The following SELPLG variants were observed in gnomAD, a reference collection of about 807,000 sequenced individuals.
The protein encoded by SELPLG is P-selectin glycoprotein ligand 1.
Under a neutral mutation model 1.1 loss-of-function variants are expected in SELPLG, and 2 were observed. The ratio of observed to expected loss-of-function variants is 1.82; its 90% CI spans 0.74 to 5.71. SELPLG has a LOEUF of 5.71. Among genes scored for constraint, SELPLG ranks in the 30% most tolerant of loss-of-function variants. The pLI is 0.05. For missense variants in SELPLG, 478 were observed against 524.7 expected (o/e 0.91, Z 0.87); for synonymous variants, 230 against 221.2 (o/e 1.04, Z -0.35).
chr12:108,631,244 C>T (rs562240235), intron 1 of SELPLG, among the ~76,000 whole-genome samples: 5 of 152,272 alleles, frequency 3.3e-5, no homozygotes, highest in African/African-American at 9.6e-5. Context: ...CACTTATCAT[C>T]GCCCTTATGA....
At chr12:108,632,386 T>C (rs2032074162) in intron 1 of SELPLG, among the ~76,000 whole-genome samples, 1 of 104,806 alleles carries the variant, frequency 9.5e-6, no homozygotes, top group African/African-American at 4.1e-5. Flanking sequence ...ATCGACAATA[T>C]GGGGTGTGTG....
At chr12:108,632,389 GGT>G (rs34863745) in intron 1 of SELPLG, among the ~76,000 whole-genome samples, 83,760 of 144,454 alleles carry the variant, frequency 0.58, 24,740 homozygotes, top group Middle Eastern at 0.71. Context: ...GACAATATGG[GGT>G]GTGTGTGTGT....
intron 1 of SELPLG, among the ~76,000 whole-genome samples, chr12:108,625,715 T>C (rs1006068323): frequency 1.3e-5 from 2 of 152,246 alleles, no homozygotes; most frequent in East Asian, 1.9e-4. Context: ...ATCTCATTGA[T>C]CTTTCTTCTT....
chr12:108,623,294 A>C lies in SELPLG; in HGVS notation c.1014T>G (p.Thr338=), dbSNP rs751113252. ...GGGAGAGGCGGACCGCCAGCACCAC[A>C]GTGCACACGAAGAAGATAGTGGCCA... is the stretch of plus-strand genomic sequence containing the variant. The part of the protein sequence containing the change: ...ALVATIFFVC[T]VVLAVRLSRK... Residue 338 remains threonine (T), a synonymous_variant, in exon 2 of 2, where the codon ACT becomes ACG. Coordinates refer to ENST00000550948, the MANE Select transcript of SELPLG (RefSeq NM_003006.4). 1 of 1,614,046 alleles carries C rather than the reference A, an allele frequency of 6.2e-7. No individual in the cohort carries two copies. The highest frequency in any genetic ancestry group is 2.2e-5 in the East Asian group (1 of 44,884).
At chr12:108,632,968 T>G (rs1380034909) in intron 1 of SELPLG, among the ~76,000 whole-genome samples, 2 of 152,190 alleles carry the variant, frequency 1.3e-5, no homozygotes, top group African/African-American at 2.4e-5. Flanking sequence ...AAGAACTTTT[T>G]TATGCGTCCA....
chr12:108,623,040 G>A lies in SELPLG; in HGVS notation c.*29C>T. On this transcript the variant is annotated 3_prime_UTR_variant, in exon 2 of 2. Transcript: ENST00000550948. ...GGCCCAGGAGAGCCCGTGGAGGTGG[G>A]GTCTTGCCAAAACAGATGGCAGAGT... 1 of 1,463,972 alleles carries A rather than the reference G, an allele frequency of 6.8e-7. No individual in the cohort carries two copies. The highest frequency in any genetic ancestry group is 1.4e-5 in the South Asian group (1 of 69,390). 90.7% of individuals were successfully genotyped at this position (1,463,972 alleles called of 1,614,324 possible).
At chr12:108,626,925 T>A (rs768284515) in intron 1 of SELPLG, among the ~76,000 whole-genome samples, 15 of 152,222 alleles carry the variant, frequency 9.9e-5, no homozygotes, top group Non-Finnish European at 2.1e-4. Context: ...GCCAACATGG[T>A]GAAACCCTGT....
intron 1 of SELPLG, among the ~76,000 whole-genome samples, chr12:108,631,102 G>A (rs2032041076): frequency 6.6e-6 from 1 of 152,164 alleles, no homozygotes; most frequent in African/African-American, 2.4e-5. Context: ...TGAGGCAGGG[G>A]AACGTGCACA....
At chr12:108,628,946 A>T (rs911969573) in intron 1 of SELPLG, among the ~76,000 whole-genome samples, 6 of 152,144 alleles carry the variant, frequency 3.9e-5, no homozygotes, top group Admixed American at 1.3e-4. Flanking sequence ...AATATTGCTT[A>T]AAAAAAATCA....
At position 108,622,990 on chromosome 12, in the gene SELPLG, G is replaced by A; in HGVS notation, c.*79C>T. ...GTCTCCGAGGAAGCCCAGAGCTGTG[G>A]AATGGGGTCTGGGCACTCAGGGGTG... On this transcript the variant is annotated 3_prime_UTR_variant, in exon 2 of 2. Transcript: ENST00000550948. The A allele has an allele frequency of 2.9e-6, 4 of 1,375,636 alleles. No individual in the cohort carries two copies. Among genetic ancestry groups the A allele is most frequent in the Non-Finnish European group, 3.9e-6 (4 of 1,037,080 alleles). The allele number at this position is 1,375,636 out of a possible 1,614,324, so 85.2% of individuals were successfully genotyped here.
chr12:108,628,318 A>AACACACACACACACACAC (rs57432345), intron 1 of SELPLG, among the ~76,000 whole-genome samples: 15 of 140,304 alleles, frequency 1.1e-4, no homozygotes, highest in South Asian at 9.7e-4. Context: ...TAATAAATGT[A>AACACACACACACACACAC]ACACACACAC....
At chr12:108,632,426 GTGAA>G (rs1167849698) in intron 1 of SELPLG, among the ~76,000 whole-genome samples, 155 of 141,814 alleles carry the variant, frequency 1.1e-3, no homozygotes, top group African/African-American at 4.5e-3. Context: ...GTGTGTGTGT[GTGAA>G]TGTGTGTACA....
intron 1 of SELPLG, among the ~76,000 whole-genome samples, chr12:108,627,917 C>T (rs955240919): frequency 2.0e-5 from 3 of 151,892 alleles, no homozygotes; most frequent in Non-Finnish European, 4.4e-5. Flanking sequence ...CTCGTCTCTA[C>T]AAAATACAAA....
rs1466439263 is a variant in SELPLG, at chr12:108,624,267, G to A, written c.41C>T (p.Pro14Leu). 8.1e-6 allele frequency: 13 copies of A among 1,614,180 alleles called. No individual in the cohort carries two copies. Among genetic ancestry groups the A allele is most frequent in the Admixed American group, 1.7e-5 (1 of 60,028 alleles). The change falls in exon 2 of 2, where the codon CCT (proline) becomes CTT (leucine). Residue 14 changes from proline to leucine, a missense_variant. Physicochemically the swap from Pro to Leu is moderately conservative, Grantham distance 98. Coordinates refer to ENST00000550948, the MANE Select transcript of SELPLG (RefSeq NM_003006.4). ...QLLLLLILLGPGNSLQLWDTW... is the reference protein window; with the variant it reads ...QLLLLLILLGLGNSLQLWDTW... Reference sequence around the variant, plus strand: ...GTCCCACAGCTGCAAGCTGTTGCCAGGGCCCAGTAGGATCAGCAACAGGAG... The same window carrying A: ...GTCCCACAGCTGCAAGCTGTTGCCAAGGCCCAGTAGGATCAGCAACAGGAG...
Position 108,622,405 on chromosome 12 carries a change from C to A in SELPLG, c.*664G>T, listed in dbSNP as rs2031838224. ...GGCGATAGCTGGGGGTCACTTGTCA[C>A]TAGATGGAAGCTCCTTGGTCCACAC... On this transcript the variant is annotated 3_prime_UTR_variant, in exon 2 of 2. Coordinates refer to ENST00000550948, the MANE Select transcript of SELPLG (RefSeq NM_003006.4). 6.6e-6 allele frequency: 1 copy of A among 152,478 alleles called. No homozygotes were observed. Among genetic ancestry groups the A allele is most frequent in the African/African-American group, 2.4e-5 (1 of 41,464 alleles). The allele number at this position is 152,478 out of a possible 1,614,324, so 9.4% of individuals were successfully genotyped here.
intron 1 of SELPLG, chr12:108,631,941 C>G (rs1565890900): frequency 1.3e-6 from 2 of 1,535,404 alleles, no homozygotes; most frequent in East Asian, 2.4e-5. Flanking sequence ...GAGACACAGG[C>G]CTAGGGTCAC....
At chr12:108,627,374 G>C (rs1288945511) in intron 1 of SELPLG, among the ~76,000 whole-genome samples, 1 of 151,628 alleles carries the variant, frequency 6.6e-6, no homozygotes, top group Middle Eastern at 3.2e-3. Flanking sequence ...GGAGGGCAGA[G>C]TAAGAAAAAG....
intron 1 of SELPLG, among the ~76,000 whole-genome samples, chr12:108,625,924 T>C (rs1477409812): frequency 6.6e-6 from 1 of 152,110 alleles, no homozygotes; most frequent in Non-Finnish European, 1.5e-5. Context: ...TTTAGAATAG[T>C]GTCTGATGCA....
At chr12:108,628,206 T>C (rs975346489) in intron 1 of SELPLG, among the ~76,000 whole-genome samples, 3 of 151,500 alleles carry the variant, frequency 2.0e-5, no homozygotes, top group Non-Finnish European at 4.4e-5. Context: ...GAGACTGCAG[T>C]GAGCCGAGAT....
Sources: allele counts gnomAD v4.1 joint callset (sites outside exome capture counted in the v4.1 genomes callset), GRCh38; gene constraint gnomAD v4.1.1; transcripts MANE v1.5; gene names NCBI Gene and HGNC (gene_info 2026-07-23, HGNC 2026-07-21).